The following USP28 variants were observed in gnomAD, a reference collection of about 807,000 sequenced individuals.
USP28 encodes the protein ubiquitin carboxyl-terminal hydrolase 28.
USP28 carries 113 observed loss-of-function variants against 145.0 expected under a neutral mutation model. That is an observed-to-expected ratio of 0.78 (90% CI 0.67 to 0.91). USP28 has a LOEUF of 0.91. USP28 is among the 40% of genes least tolerant of loss of function. The probability of loss-of-function intolerance (pLI) is 0.00; values close to 1 mark genes in which losing one functional copy is unlikely to be tolerated. For synonymous variants in USP28, 447 were observed against 450.9 expected (o/e 0.99, Z 0.11); for missense variants, 1,201 against 1,289.6 (o/e 0.93, Z 1.05).
intron 16 of USP28, among the ~76,000 whole-genome samples, chr11:113,809,557 T>C (rs1940619351): frequency 6.6e-6 from 1 of 152,218 alleles, no homozygotes; most frequent in Non-Finnish European, 1.5e-5. Context: ...CCTTCCAGCA[T>C]CATGTAATGA....
intron 14 of USP28, among the ~76,000 whole-genome samples, chr11:113,814,385 G>A (rs1361899579): frequency 6.6e-6 from 1 of 152,126 alleles, no homozygotes; most frequent in Non-Finnish European, 1.5e-5. Flanking sequence ...AGGGGGGTAA[G>A]GTTAGTCTGA....
chr11:113,844,981 A>G (rs1301692261), intron 3 of USP28, among the ~76,000 whole-genome samples: 3 of 151,700 alleles, frequency 2.0e-5, no homozygotes, highest in Admixed American at 2.0e-4. Context: ...ATATCTGGGC[A>G]TGGTGGTGTG....
In USP28 at chr11:113,852,621, C is replaced by A. The variant is rs745596210; in HGVS notation, c.148G>T (p.Asp50Tyr). Residue 50 changes from aspartate to tyrosine, a missense_variant, in exon 3 of 25, where the codon GAC (aspartate) becomes TAC (tyrosine). Asp to Tyr is a radical substitution (Grantham distance 160). Coordinates refer to ENST00000003302, the Ensembl canonical transcript of USP28. Reference sequence around the variant, plus strand: ...AGAAGGCTGACTGCCTGAGTAATGTCACCATTACTGGCCTATGGGAGAAAA... The same window carrying A: ...AGAAGGCTGACTGCCTGAGTAATGTAACCATTACTGGCCTATGGGAGAAAA... 134 of 1,613,970 alleles carry A rather than the reference C, an allele frequency of 8.3e-5. No individual in the cohort carries two copies. Among genetic ancestry groups the A allele is most frequent in the Non-Finnish European group, 1.1e-4 (131 of 1,180,044 alleles).
chr11:113,803,906 C>A, intron 21 of USP28, 29 bp from the exon 23 acceptor site: 1 of 1,587,970 alleles, frequency 6.3e-7, no homozygotes, highest in Non-Finnish European at 8.6e-7. Flanking sequence ...TATTAATAAT[C>A]ATGATCATAA....
chr11:113,805,190 T>G, intron 19 of USP28, 144 bp from the exon 21 acceptor site: 1 of 776,430 alleles, frequency 1.3e-6, no homozygotes, highest in Non-Finnish European at 2.0e-6. Flanking sequence ...AACTATGGAA[T>G]TTTTAAGTTT....
intron 1 of USP28, among the ~76,000 whole-genome samples, chr11:113,862,331 G>C (rs748696294): frequency 2.6e-5 from 4 of 152,196 alleles, no homozygotes; most frequent in Non-Finnish European, 5.9e-5. Flanking sequence ...TGGGCGACAA[G>C]AGCAAGACTC....
At chr11:113,842,784 C>T (rs1696306290) in intron 3 of USP28, among the ~76,000 whole-genome samples, 1 of 152,112 alleles carries the variant, frequency 6.6e-6, no homozygotes, top group South Asian at 2.1e-4. Context: ...AAAAAAATAT[C>T]CTTAGGCTGA....
intron 23 of USP28, among the ~76,000 whole-genome samples, chr11:113,802,891 A>C (rs1281008138): frequency 6.6e-6 from 1 of 152,196 alleles, no homozygotes; most frequent in East Asian, 1.9e-4. Flanking sequence ...AATGTGATAA[A>C]ATCTATAATG....
At position 113,866,129 on chromosome 11, in the gene USP28, T is replaced by C. The variant is rs569619656; in HGVS notation, c.57+9316A>G. Reference sequence around the variant, plus strand: ...GCCAACATGGTGAAACCATCTCCACTAAAAATACAAATATTAGCCAGGTGT... The same window carrying C: ...GCCAACATGGTGAAACCATCTCCACCAAAAATACAAATATTAGCCAGGTGT... On this transcript the variant is annotated intron_variant, in intron 1 of 24. Coordinates refer to ENST00000003302, the Ensembl canonical transcript of USP28. 3.9e-5 allele frequency among the ~76,000 whole-genome samples: 6 copies of C among 152,100 alleles called. No homozygotes were observed. The East Asian group carries it at 9.7e-4, about 25-fold the overall frequency.
intron 3 of USP28, among the ~76,000 whole-genome samples, chr11:113,846,519 T>C (rs1420368118): frequency 1.3e-5 from 2 of 152,120 alleles, no homozygotes; most frequent in African/African-American, 4.8e-5. Flanking sequence ...GGGTATGGAG[T>C]GCAGATTTGC....
intron 3 of USP28, 76 bp downstream of exon 3, chr11:113,852,425 A>G: frequency 1.0e-5 from 16 of 1,553,182 alleles, no homozygotes; most frequent in Non-Finnish European, 1.4e-5. Context: ...TGTGATTGAC[A>G]GGGAACTCAC....
At chr11:113,854,317 T>A (rs781377747) in exon 2 of USP28, 1 of 1,614,112 alleles carries the variant, frequency 6.2e-7, no homozygotes, top group South Asian at 1.1e-5. Flanking sequence ...CTCAGTTGAT[T>A]TAACAGCATT....
intron 18 of USP28, 83 bp from the exon 20 acceptor site, chr11:113,806,667 A>G: frequency 1.0e-6 from 1 of 980,918 alleles, no homozygotes; most frequent in East Asian, 2.6e-5. Flanking sequence ...GGCTGAACAG[A>G]GTGCTAAAGG....
chr11:113,826,726 C>A (rs1190104964), intron 11 of USP28, among the ~76,000 whole-genome samples: 1 of 151,846 alleles, frequency 6.6e-6, no homozygotes, highest in Non-Finnish European at 1.5e-5. Flanking sequence ...TCGCGACCAG[C>A]CTGACCAACA....
intron 5 of USP28, among the ~76,000 whole-genome samples, chr11:113,836,502 C>T (rs1382825579): frequency 6.6e-6 from 1 of 152,122 alleles, no homozygotes; most frequent in Non-Finnish European, 1.5e-5. Context: ...ATGAAGCTCC[C>T]GATTCACTGA....
At chr11:113,871,686 T>C (rs975849502) in intron 1 of USP28, among the ~76,000 whole-genome samples, 2 of 152,116 alleles carry the variant, frequency 1.3e-5, no homozygotes, top group Admixed American at 6.6e-5. Flanking sequence ...AGAGATGAGA[T>C]GGCGTAGGGA....
At chr11:113,850,625 G>T (rs893749421) in intron 3 of USP28, among the ~76,000 whole-genome samples, 1 of 152,142 alleles carries the variant, frequency 6.6e-6, no homozygotes, top group Non-Finnish European at 1.5e-5. Context: ...GTTCTCCTTG[G>T]TCTCTCCTCC....
intron 1 of USP28, among the ~76,000 whole-genome samples, chr11:113,864,203 T>C (rs1425229470): frequency 2.6e-5 from 4 of 152,036 alleles, no homozygotes; most frequent in Non-Finnish European, 4.4e-5. Flanking sequence ...ATCTCACCAC[T>C]GCACTCCAGC....
At chr11:113,809,474 CAATT>C (rs759399804) in intron 16 of USP28, among the ~76,000 whole-genome samples, 45 of 152,096 alleles carry the variant, frequency 3.0e-4, no homozygotes, top group Non-Finnish European at 5.3e-4. Flanking sequence ...AAAATCTGCA[CAATT>C]AGTTATAGTT....
Sources: allele counts gnomAD v4.1 joint callset (sites outside exome capture counted in the v4.1 genomes callset), GRCh38; gene constraint gnomAD v4.1.1; transcripts MANE v1.5; gene names NCBI Gene and HGNC (gene_info 2026-07-23, HGNC 2026-07-21).